The following NQO1 variants were observed in gnomAD, a reference collection of about 807,000 sequenced individuals.
The protein encoded by NQO1 is NAD(P)H quinone dehydrogenase 1.
NQO1 carries 30 observed loss-of-function variants against 32.1 expected under a neutral mutation model. The ratio of observed to expected loss-of-function variants is 0.94; its 90% CI spans 0.70 to 1.27. NQO1 has a LOEUF of 1.27. Among genes scored for constraint, NQO1 ranks in the 50% most tolerant of loss-of-function variants. The pLI is 0.00. For missense variants in NQO1, 276 were observed against 331.3 expected (o/e 0.83, Z 1.30); for synonymous variants, 109 against 119.7 (o/e 0.91, Z 0.59).
intron 3 of NQO1, among the ~76,000 whole-genome samples, chr16:69,715,579 C>T (rs945313347): frequency 2.7e-5 from 4 of 150,066 alleles, no homozygotes; most frequent in Admixed American, 2.0e-4. Context: ...ACCAGCCTGG[C>T]CAACATGGTG....
chr16:69,711,789 G>A (rs975299883), intron 5 of NQO1, among the ~76,000 whole-genome samples: 2 of 151,922 alleles, frequency 1.3e-5, no homozygotes, highest in Admixed American at 1.3e-4. Context: ...GAGTAGCTGG[G>A]ATTACAGGCA....
intron 1 of NQO1, among the ~76,000 whole-genome samples, chr16:69,718,993 C>T (rs1422495493): frequency 6.7e-6 from 1 of 150,010 alleles, no homozygotes; most frequent in African/African-American, 2.5e-5. Context: ...CAAGATTGCA[C>T]CATTGCACTC....
rs1361072113 is a variant in NQO1, at chr16:69,710,186, A to C, written c.*790T>G. 6.6e-6 allele frequency: 1 copy of C among 152,072 alleles called. No individual in the cohort carries two copies. The highest frequency in any genetic ancestry group is 1.9e-4 in the East Asian group (1 of 5,400). 9.4% of individuals were successfully genotyped at this position (152,072 alleles called of 1,614,324 possible). A position where few individuals can be genotyped will look rare whatever the true frequency, so the allele number is the denominator to read the frequency against. On this transcript the variant is annotated 3_prime_UTR_variant, in exon 6 of 6. Coordinates refer to ENST00000320623, the MANE Select transcript of NQO1 (RefSeq NM_000903.3). ...CGTCTCTACTAAAAATACAAAAATT[A>C]GTCAGGCATGATGGCAGGCGCCTGT...
At chr16:69,711,985 C>T (rs1336413634) in intron 5 of NQO1, among the ~76,000 whole-genome samples, 1 of 152,148 alleles carries the variant, frequency 6.6e-6, no homozygotes, top group Non-Finnish European at 1.5e-5. Flanking sequence ...ACTGGCTCTT[C>T]TCTCCAACCT....
At chr16:69,715,150 G>A in intron 3 of NQO1, 73 bp from the exon 4 acceptor site, 1 of 1,071,968 alleles carries the variant, frequency 9.3e-7, no homozygotes, top group Non-Finnish European at 1.4e-6. Flanking sequence ...GGAGTGCTGA[G>A]CCGCTCCCCA....
chr16:69,713,893 TGA>T (rs2038075738), intron 4 of NQO1, among the ~76,000 whole-genome samples: 7 of 144,232 alleles, frequency 4.9e-5, no homozygotes, highest in Admixed American at 1.5e-4. Context: ...TTTTTGTTTT[TGA>T]TATGGAGGCT....
Position 69,726,534 on chromosome 16 carries a change from G to C in NQO1, c.-95C>G. 2.6e-6 allele frequency: 4 copies of C among 1,543,650 alleles called. No homozygotes were observed. The highest frequency in any genetic ancestry group is 1.8e-6 in the Non-Finnish European group (2 of 1,142,434). ...GGCTCTCGGTGAGCTGGGCGGCTCC[G>C]GCTGCAACCTTGTGGGAGTCGCGTG... On this transcript the variant is annotated 5_prime_UTR_variant, in exon 1 of 6. Transcript: ENST00000320623.
chr16:69,717,980 C>T, intron 3 of NQO1, 143 bp downstream of exon 3: 1 of 1,170,770 alleles, frequency 8.5e-7, no homozygotes, highest in Non-Finnish European at 1.2e-6. Context: ...CCATGTAATA[C>T]TGCACCTTTA....
chr16:69,726,550 G>C lies in NQO1; in HGVS notation c.-111C>G. On this transcript the variant is annotated 5_prime_UTR_variant, in exon 1 of 6. Transcript: ENST00000320623. ...GGCGGCTCCGGCTGCAACCTTGTGGGAGTCGCGTGTGTAGTGCACGGTGCA... is the reference window on the plus strand; with the variant it reads ...GGCGGCTCCGGCTGCAACCTTGTGGCAGTCGCGTGTGTAGTGCACGGTGCA... 4 of 1,468,810 alleles carry C rather than the reference G, an allele frequency of 2.7e-6. No homozygotes were observed. The highest frequency in any genetic ancestry group is 3.7e-6 in the Non-Finnish European group (4 of 1,079,568). 91.0% of individuals were successfully genotyped at this position (1,468,810 alleles called of 1,614,324 possible). A position where few individuals can be genotyped will look rare whatever the true frequency, so the allele number is the denominator to read the frequency against.
In NQO1 at chr16:69,711,062, C is replaced by G; in HGVS notation, c.739G>C (p.Glu247Gln). 6.2e-6 allele frequency: 10 copies of G among 1,614,182 alleles called. No homozygotes were observed. Among genetic ancestry groups the G allele is most frequent in the Non-Finnish European group, 8.5e-6 (10 of 1,180,020 alleles). ...GAAAGGCCAAATTTCTTGTTTTTCT[C>G]CTCATCCTGTACCTCTTTTTTCATT... ...FLMKKEVQDE[E>Q]KNKKFGLSVG... is the part of the protein sequence containing the mutation. Residue 247 changes from glutamate (E) to glutamine (Q), a missense_variant, in exon 6 of 6, where the codon GAG (glutamate) becomes CAG (glutamine). Coordinates refer to ENST00000320623, the MANE Select transcript of NQO1 (RefSeq NM_000903.3).
chr16:69,720,664 A>G (rs1280860333), intron 1 of NQO1, among the ~76,000 whole-genome samples: 1 of 150,532 alleles, frequency 6.6e-6, no homozygotes. Context: ...CCCAGTAGCT[A>G]GGATTACAGG....
chr16:69,718,111 G>A lies in NQO1; in HGVS notation c.303+12C>T, dbSNP rs767128311. On this transcript the variant is annotated intron_variant, in intron 3 of 5. Coordinates refer to ENST00000320623, the MANE Select transcript of NQO1 (RefSeq NM_000903.3). ...AAATGTCCCTGACACCCCTTCCGAT[G>A]TCCCCCCATACCTGGAATATCACAA... 5.6e-6 allele frequency: 9 copies of A among 1,613,606 alleles called. No individual in the cohort carries two copies. The highest frequency in any genetic ancestry group is 7.6e-6 in the Non-Finnish European group (9 of 1,179,828).
At chr16:69,716,094 G>A (rs866891224) in intron 3 of NQO1, among the ~76,000 whole-genome samples, 5 of 151,794 alleles carry the variant, frequency 3.3e-5, no homozygotes, top group Non-Finnish European at 5.9e-5. Flanking sequence ...CTTGAGCCCA[G>A]GAGTTGGAGG....
intron 3 of NQO1, among the ~76,000 whole-genome samples, chr16:69,716,219 G>T (rs2038111737): frequency 6.6e-6 from 1 of 150,446 alleles, no homozygotes; most frequent in African/African-American, 2.5e-5. Context: ...ACGTGGCTAG[G>T]TGCAGTTGCT....
intron 1 of NQO1, among the ~76,000 whole-genome samples, chr16:69,725,729 C>G (rs1222251408): frequency 6.6e-6 from 1 of 152,180 alleles, no homozygotes; most frequent in African/African-American, 2.4e-5. Flanking sequence ...TAAAAATTAG[C>G]CGCGCATGAT....
chr16:69,716,248 A>C (rs995996184), intron 3 of NQO1, among the ~76,000 whole-genome samples: 2 of 151,592 alleles, frequency 1.3e-5, no homozygotes, highest in Non-Finnish European at 2.9e-5. Flanking sequence ...TAATTCTAGC[A>C]CTTTTGGAGG....
At chr16:69,713,304 C>T (rs541829865) in intron 4 of NQO1, among the ~76,000 whole-genome samples, 175 bp from the exon 5 acceptor site, 1 of 152,320 alleles carries the variant, frequency 6.6e-6, no homozygotes, top group South Asian at 2.1e-4. Flanking sequence ...GGAGTGCCAG[C>T]CTAGATGGTC....
At chr16:69,711,911 C>T (rs1225404283) in intron 5 of NQO1, among the ~76,000 whole-genome samples, 1 of 152,068 alleles carries the variant, frequency 6.6e-6, no homozygotes, top group Non-Finnish European at 1.5e-5. Flanking sequence ...GCCTCAGTCT[C>T]CCAAAGTGCT....
chr16:69,712,247 G>GTT (rs530175503), intron 5 of NQO1, among the ~76,000 whole-genome samples: 10 of 140,234 alleles, frequency 7.1e-5, no homozygotes, highest in African/African-American at 1.3e-4. Context: ...AGCTAATTTT[G>GTT]TTTTTTTTTT....
Sources: allele counts gnomAD v4.1 joint callset (sites outside exome capture counted in the v4.1 genomes callset), GRCh38; gene constraint gnomAD v4.1.1; transcripts MANE v1.5; gene names NCBI Gene and HGNC (gene_info 2026-07-23, HGNC 2026-07-21).